HTRA3: variants seen among roughly 807,000 people sequenced by gnomAD.
HTRA3 encodes serine protease HTRA3.
In HTRA3, 41 loss-of-function variants were observed where a neutral mutation model predicts 43.2. The observed-to-expected ratio is 0.95, with a 90% CI of 0.74 to 1.23. The LOEUF (loss-of-function observed/expected upper bound fraction) is 1.23, where lower values mean the gene tolerates loss of function less well. Among genes scored for constraint, HTRA3 ranks in the 50% most tolerant of loss-of-function variants. The pLI is 0.00. For missense variants in HTRA3, 628 were observed against 647.1 expected (o/e 0.97, Z 0.32); for synonymous variants, 295 against 287.9 (o/e 1.02, Z -0.25).
chr4:8,291,677 A>G, intron 4 of HTRA3, 113 bp downstream of exon 4: 1 of 712,688 alleles, frequency 1.4e-6, no homozygotes, highest in Non-Finnish European at 2.3e-6. Flanking sequence ...CTGGCACTCG[A>G]CACATCCACT....
intron 1 of HTRA3, among the ~76,000 whole-genome samples, chr4:8,274,569 A>G (rs1023608439): frequency 2.0e-5 from 3 of 152,204 alleles, no homozygotes; most frequent in Non-Finnish European, 4.4e-5. Flanking sequence ...CCCTTCTTGC[A>G]TCCCTCCAGT....
rs575567606 is a variant in HTRA3, at chr4:8,296,872, C to T, written c.1051+2671C>T. 4.6e-5 allele frequency among the ~76,000 whole-genome samples: 7 copies of T among 152,304 alleles called. No homozygotes were observed. Among genetic ancestry groups the T allele is most frequent in the Admixed American group, 3.3e-4 (5 of 15,308 alleles). ...GAGGGGACAGGGACAAAGACATGTG[C>T]TTTCCCTGGTCTCAGACATCACAGA... On this transcript the variant is annotated intron_variant, in intron 6 of 8. Coordinates refer to ENST00000307358, the MANE Select transcript of HTRA3 (RefSeq NM_053044.5). The surrounding 1 kb of genome is among the most constrained non-coding windows in gnomAD (Gnocchi z 5.3).
intron 6 of HTRA3, among the ~76,000 whole-genome samples, chr4:8,299,283 CTGGT>C (rs1290940958): frequency 6.6e-6 from 1 of 152,094 alleles, no homozygotes; most frequent in Non-Finnish European, 1.5e-5. Context: ...TCAGTTTCTG[CTGGT>C]TGGTTAAGAG....
At chr4:8,282,991 C>G (rs1015887578) in intron 2 of HTRA3, among the ~76,000 whole-genome samples, 1 of 151,940 alleles carries the variant, frequency 6.6e-6, no homozygotes, top group African/African-American at 2.4e-5. Context: ...ACAAGCTAAG[C>G]CTGAAGTAGG....
intron 6 of HTRA3, among the ~76,000 whole-genome samples, chr4:8,294,809 C>CCCAA (rs1312662111): frequency 1.7e-5 from 2 of 119,560 alleles, no homozygotes; most frequent in East Asian, 3.7e-4. Context: ...CATCCACCCA[C>CCCAA]CCACCCAGCC....
chr4:8,291,762 G>A (rs886727674), intron 4 of HTRA3, among the ~76,000 whole-genome samples, 198 bp downstream of exon 4: 5 of 152,242 alleles, frequency 3.3e-5, no homozygotes, highest in African/African-American at 1.2e-4. Flanking sequence ...CAGGCACGCT[G>A]GGAGTCAGAG....
In HTRA3 at chr4:8,286,483, A is replaced by G. The variant is rs1274719048; in HGVS notation, c.486-78A>G. The G allele has an allele frequency of 1.7e-6, 2 of 1,162,652 alleles. No homozygotes were observed. Among genetic ancestry groups the G allele is most frequent in the African/African-American group, 1.5e-5 (1 of 66,370 alleles). The allele number at this position is 1,162,652 out of a possible 1,614,324, so 72.0% of individuals were successfully genotyped here. On this transcript the variant is annotated intron_variant, in intron 2 of 8. Transcript: ENST00000307358. The surrounding 1 kb of genome is among the most constrained non-coding windows in gnomAD (Gnocchi z 4.9). Reference sequence around the variant, plus strand: ...CACACACTGGCTCTGCTCCTCGCTGACCAGCCCCACCACTGCGCCTGACTC... The same window carrying G: ...CACACACTGGCTCTGCTCCTCGCTGGCCAGCCCCACCACTGCGCCTGACTC...
At chr4:8,280,103 C>T (rs936725869) in intron 1 of HTRA3, among the ~76,000 whole-genome samples, 3 of 152,138 alleles carry the variant, frequency 2.0e-5, no homozygotes, top group Non-Finnish European at 4.4e-5. Context: ...AGAGGTCGTG[C>T]AGGGGGAGGT....
At chr4:8,301,661 A>T (rs1713661270) in intron 6 of HTRA3, among the ~76,000 whole-genome samples, 1 of 152,206 alleles carries the variant, frequency 6.6e-6, no homozygotes, top group Non-Finnish European at 1.5e-5. Context: ...TTTCTAATAT[A>T]GACACTTTAG....
intron 1 of HTRA3, among the ~76,000 whole-genome samples, chr4:8,271,473 G>A (rs1469591681): frequency 6.6e-6 from 1 of 152,232 alleles, no homozygotes; most frequent in African/African-American, 2.4e-5. Flanking sequence ...GGAGCCCCGT[G>A]TGGGAAGCAT....
At chr4:8,290,862 C>A (rs1396747164) in intron 3 of HTRA3, among the ~76,000 whole-genome samples, 1 of 152,156 alleles carries the variant, frequency 6.6e-6, no homozygotes, top group Non-Finnish European at 1.5e-5. Context: ...CTTCTCCAGG[C>A]CTGAGTTCCC....
chr4:8,298,425 T>C (rs1403937493), intron 6 of HTRA3, among the ~76,000 whole-genome samples: 1 of 152,238 alleles, frequency 6.6e-6, no homozygotes, highest in East Asian at 1.9e-4. Flanking sequence ...GATAAGCAAA[T>C]TGCAAATATT....
chr4:8,292,803 T>C (rs1266101557), intron 5 of HTRA3, among the ~76,000 whole-genome samples: 1 of 152,186 alleles, frequency 6.6e-6, no homozygotes, highest in Admixed American at 6.5e-5. Context: ...TCAGAGCTCC[T>C]AGGCCCTGAA....
At position 8,306,951 on chromosome 4, in the gene HTRA3, G is replaced by A. The variant is rs1130065; in HGVS notation, c.*815G>A. 1 of 152,706 alleles carries A rather than the reference G, an allele frequency of 6.5e-6. No individual in the cohort carries two copies. 9.5% of individuals were successfully genotyped at this position (152,706 alleles called of 1,614,324 possible). A position where few individuals can be genotyped will look rare whatever the true frequency, so the allele number is the denominator to read the frequency against. On this transcript the variant is annotated 3_prime_UTR_variant, in exon 9 of 9. Transcript: ENST00000307358. The surrounding 1 kb of genome is among the most constrained non-coding windows in gnomAD (Gnocchi z 8.9). ...GCCGCTCGCATGGAAGTGCCGCCCA[G>A]AGGCATGCAGGCTGCTGGGCACCAC...
Position 8,273,522 on chromosome 4 carries a change from T to TC in HTRA3, c.385+3176dup, listed in dbSNP as rs143033316. Among the ~76,000 whole-genome samples, 90 of 91,310 alleles carry TC rather than the reference T, an allele frequency of 9.9e-4. 1 individual carries two copies. The East Asian group carries it at 0.026, about 26-fold the overall frequency. The allele number at this position is 91,310 out of a possible 152,430, so 59.9% of individuals were successfully genotyped here. A position where few individuals can be genotyped will look rare whatever the true frequency, so the allele number is the denominator to read the frequency against. ...TCTCCTTGGTCCCTTCTCGCCACCC[T>TC]CCCCCCCGCACCCCCGCCCCAGTAA... On this transcript the variant is annotated intron_variant, in intron 1 of 8. Coordinates refer to ENST00000307358, the MANE Select transcript of HTRA3 (RefSeq NM_053044.5).
At chr4:8,304,409 G>C (rs1713762566) in intron 8 of HTRA3, 130 bp downstream of exon 8, 3 of 682,224 alleles carry the variant, frequency 4.4e-6, no homozygotes, top group Admixed American at 2.5e-5. Context: ...GTGGATTCTA[G>C]CGTGTCTGCT....
intron 1 of HTRA3, among the ~76,000 whole-genome samples, chr4:8,271,905 G>T (rs1712292665): frequency 6.6e-6 from 1 of 152,228 alleles, no homozygotes; most frequent in Admixed American, 6.5e-5. Context: ...AGGGTGATGA[G>T]GTCCGGCTTG....
In HTRA3 at chr4:8,270,154, T is replaced by G. The variant is rs749073069; in HGVS notation, c.186T>G (p.Cys62Trp). 11 of 1,543,174 alleles carry G rather than the reference T, an allele frequency of 7.1e-6. No individual in the cohort carries two copies. Among genetic ancestry groups the G allele is most frequent in the African/African-American group, 1.4e-5 (1 of 70,114 alleles). Residue 62 changes from cysteine to tryptophan, a missense_variant, in exon 1 of 9, where the codon TGT (cysteine) becomes TGG (tryptophan). Physicochemically the swap from Cys to Trp is radical, Grantham distance 215. Transcript: ENST00000307358. ...LVCAASEGEP[C>W]GGPLDSPCGE... is the part of the protein sequence containing the mutation. ...GCGCCGCCAGCGAGGGCGAGCCCTG[T>G]GGCGGCCCTCTGGACTCGCCTTGCG...
At chr4:8,303,140 C>T (rs535220341) in intron 7 of HTRA3, among the ~76,000 whole-genome samples, 1 of 152,314 alleles carries the variant, frequency 6.6e-6, no homozygotes, top group South Asian at 2.1e-4. Flanking sequence ...TCTGGGTGTA[C>T]ACGAATTTGG....
Sources: gnomAD v4.1 joint callset for allele counts (sites outside exome capture counted in the v4.1 genomes callset) on GRCh38, gnomAD v4.1.1 for gene constraint, Gnocchi (gnomAD v3.1) non-coding constraint, MANE v1.5 for transcripts, NCBI Gene and HGNC (gene_info 2026-07-23, HGNC 2026-07-21) for gene names.